The following CASP10 variants were observed in gnomAD, a reference collection of about 807,000 sequenced individuals.
CASP10 encodes caspase-10.
A neutral mutation model predicts 48.5 loss-of-function variants in CASP10; 41 were observed. The ratio of observed to expected loss-of-function variants is 0.85; its 90% CI spans 0.66 to 1.10. The LOEUF is 1.10. Ranked by LOEUF, CASP10 falls within the 50% of genes least tolerant of loss-of-function variation. CASP10 has a pLI of 0.00. For synonymous variants in CASP10, 232 were observed against 238.4 expected, an observed-to-expected ratio of 0.97 and a Z score of 0.25; for missense variants, 614 against 614.5, an observed-to-expected ratio of 1.00 and a Z score of 0.01.
At chr2:201,200,465 A>G (rs532131335) in intron 5 of CASP10, 22 of 1,598,218 alleles carry the variant, frequency 1.4e-5, no homozygotes, top group Non-Finnish European at 1.7e-5. Flanking sequence ...GTTTTTTTAA[A>G]TGAAGGAGAC....
At position 201,208,078 on chromosome 2, in the gene CASP10, G is replaced by T; in HGVS notation, c.817G>T (p.Ala273Ser). ...GTGGCTCTATCTATTCTTCAAGAGG[G>T]CAGCTGTGTACAGGATGAATCGGAA... Reference protein sequence around the residue: ...TLNSETSTKRAAVYRMNRNHR... With the variant: ...TLNSETSTKRSAVYRMNRNHR... Residue 273 changes from alanine to serine, a missense_variant, in exon 8 of 10, where the codon GCA (alanine) becomes TCA (serine). By Grantham distance (99) the Ala-to-Ser change is moderately conservative (BLOSUM62 1). Coordinates refer to ENST00000286186, the MANE Select transcript of CASP10 (RefSeq NM_032977.4). 2 of 1,611,818 alleles carry T rather than the reference G, an allele frequency of 1.2e-6. No homozygotes were observed. Among genetic ancestry groups the T allele is most frequent in the Non-Finnish European group, 1.7e-6 (2 of 1,178,018 alleles).
rs1310113692 is a variant in CASP10 at position 201,183,154 on chromosome 2, A to G, written c.-162A>G. The G allele has an allele frequency of 6.6e-6, 1 of 152,250 alleles. No homozygotes were observed. The highest frequency in any genetic ancestry group is 1.5e-5 in the Non-Finnish European group (1 of 68,062). The allele number at this position is 152,250 out of a possible 1,614,324, so 9.4% of individuals were successfully genotyped here. ...TCCTGAAGATTCAGTTTTCACTTAA[A>G]CAACCAGCAAGTCTTGAAGTCTCTT... On this transcript the variant is annotated 5_prime_UTR_variant, in exon 1 of 10. Coordinates refer to ENST00000286186, the MANE Select transcript of CASP10 (RefSeq NM_032977.4).
At chr2:201,206,133 G>C (rs1945197556) in intron 7 of CASP10, 160 bp downstream of exon 7, 1 of 573,126 alleles carries the variant, frequency 1.7e-6, no homozygotes, top group South Asian at 2.0e-5. Context: ...CCCTCTCTCT[G>C]TAATTATCTC....
intron 9 of CASP10, among the ~76,000 whole-genome samples, chr2:201,210,896 T>C (rs1945371987): frequency 6.6e-6 from 1 of 152,216 alleles, no homozygotes; most frequent in Non-Finnish European, 1.5e-5. Flanking sequence ...AAGGAGACAG[T>C]ATACATGCAT....
chr2:201,207,395 C>T (rs558713143), intron 7 of CASP10, among the ~76,000 whole-genome samples: 3 of 151,852 alleles, frequency 2.0e-5, no homozygotes, highest in East Asian at 1.9e-4. Context: ...CTGAGGTGGG[C>T]GAATCACTTG....
intron 5 of CASP10, 39 bp from the exon 6 acceptor site, chr2:201,203,691 A>T: frequency 6.3e-7 from 1 of 1,592,412 alleles, no homozygotes; most frequent in African/African-American, 1.3e-5. Context: ...TAACTGTGTG[A>T]AATTCCTATG....
rs1004690091 is a variant in CASP10, at chr2:201,192,192, T to G, written c.442-792T>G. On this transcript the variant is annotated intron_variant, in intron 3 of 9. Coordinates refer to ENST00000286186, the MANE Select transcript of CASP10 (RefSeq NM_032977.4). ...AGCAGATCACCTGAGGTCAGGAGTTTGAGACCAGCCTGGCCAACATGGTGA... is the reference window on the plus strand; with the variant it reads ...AGCAGATCACCTGAGGTCAGGAGTTGGAGACCAGCCTGGCCAACATGGTGA... 2.0e-5 allele frequency among the ~76,000 whole-genome samples: 3 copies of G among 152,076 alleles called. No individual in the cohort carries two copies. In the East Asian group the frequency reaches 5.8e-4, roughly 29 times the overall value.
At chr2:201,186,292 A>G (rs1281607844) in intron 2 of CASP10, 168 bp downstream of exon 2, 3 of 630,910 alleles carry the variant, frequency 4.8e-6, no homozygotes, top group Non-Finnish European at 8.5e-6. Context: ...CTAATGAGAT[A>G]AGAGTTGGGA....
At chr2:201,211,245 A>C (rs1313246231) in intron 9 of CASP10, among the ~76,000 whole-genome samples, 1 of 152,194 alleles carries the variant, frequency 6.6e-6, no homozygotes, top group African/African-American at 2.4e-5. Flanking sequence ...GTAAGTAGCT[A>C]GGATTATATG....
chr2:201,199,569 CTTTT>C (rs761866954), intron 5 of CASP10, among the ~76,000 whole-genome samples: 5 of 122,514 alleles, frequency 4.1e-5, no homozygotes, highest in African/African-American at 9.0e-5. Context: ...CTCCTTTAAT[CTTTT>C]TTTTTTTTTT....
intron 5 of CASP10, among the ~76,000 whole-genome samples, chr2:201,202,988 A>G (rs1945073901): frequency 6.6e-6 from 1 of 152,254 alleles, no homozygotes; most frequent in Non-Finnish European, 1.5e-5. Flanking sequence ...AATCCAACGT[A>G]TATCTTCCCT....
chr2:201,187,061 G>C (rs1944440155), intron 2 of CASP10, among the ~76,000 whole-genome samples: 2 of 152,166 alleles, frequency 1.3e-5, no homozygotes, highest in Non-Finnish European at 2.9e-5. Flanking sequence ...GCCTTTGGAG[G>C]GTGTTTTATG....
At chr2:201,208,841 G>C (rs1186479519) in intron 8 of CASP10, among the ~76,000 whole-genome samples, 1 of 151,978 alleles carries the variant, frequency 6.6e-6, no homozygotes, top group Non-Finnish European at 1.5e-5. Flanking sequence ...ACCACACCTG[G>C]CTATTTTTTG....
At chr2:201,184,617 C>A (rs1341993009) in intron 1 of CASP10, among the ~76,000 whole-genome samples, 1 of 152,250 alleles carries the variant, frequency 6.6e-6, no homozygotes, top group Non-Finnish European at 1.5e-5. Context: ...AGCCATGACA[C>A]CCCACCTGTT....
chr2:201,219,424 A>T lies in CASP10; in HGVS notation c.*1683A>T. 1.0e-6 allele frequency: 1 copy of T among 985,390 alleles called. No individual in the cohort carries two copies. The highest frequency in any genetic ancestry group is 1.2e-6 in the Non-Finnish European group (1 of 829,920). The allele number at this position is 985,390 out of a possible 1,614,324, so 61.0% of individuals were successfully genotyped here. A position where few individuals can be genotyped will look rare whatever the true frequency, so the allele number is the denominator to read the frequency against. On this transcript the variant is annotated 3_prime_UTR_variant, in exon 10 of 10. Transcript: ENST00000286186. ...GGCTTCAGGCAAAGCTTGAATCAGG[A>T]CTCAATCTACAGGCCAGCACCTTTC...
At position 201,219,534 on chromosome 2, in the gene CASP10, C is replaced by G; in HGVS notation, c.*1793C>G. On this transcript the variant is annotated 3_prime_UTR_variant, in exon 10 of 10. Transcript: ENST00000286186. The stretch of plus-strand genomic sequence containing the variant: ...CTTGTTACTGCTACTACACTTTGCT[C>G]CTCTGGCCCAAGGCATGAGGAGAGA... 1.0e-6 allele frequency: 1 copy of G among 985,382 alleles called. No individual in the cohort carries two copies. The highest frequency in any genetic ancestry group is 1.2e-6 in the Non-Finnish European group (1 of 829,954). The allele number at this position is 985,382 out of a possible 1,614,324, so 61.0% of individuals were successfully genotyped here.
chr2:201,184,039 G>T (rs900179322), intron 1 of CASP10, among the ~76,000 whole-genome samples: 2 of 152,026 alleles, frequency 1.3e-5, no homozygotes, highest in Admixed American at 6.6e-5. Flanking sequence ...GGGACCACAG[G>T]CATACACCAC....
At chr2:201,206,875 C>T (rs1945225534) in intron 7 of CASP10, among the ~76,000 whole-genome samples, 1 of 152,088 alleles carries the variant, frequency 6.6e-6, no homozygotes, top group Non-Finnish European at 1.5e-5. Context: ...CTTGTGTATG[C>T]TTTCTTCATT....
At chr2:201,205,783 A>G in intron 6 of CASP10, 99 bp from the exon 7 acceptor site, 1 of 778,518 alleles carries the variant, frequency 1.3e-6, no homozygotes, top group Non-Finnish European at 2.3e-6. Flanking sequence ...GAGGGCCTTG[A>G]GAGAAGCATA....
Sources: allele counts gnomAD v4.1 joint callset (sites outside exome capture counted in the v4.1 genomes callset), GRCh38; gene constraint gnomAD v4.1.1; transcripts MANE v1.5; gene names NCBI Gene and HGNC (gene_info 2026-07-23, HGNC 2026-07-21).